Variants in RB1 observed in about 807,000 individuals in gnomAD.
RB1 encodes RB transcriptional corepressor 1.
A neutral mutation model predicts 135.4 loss-of-function variants in RB1; 18 were observed. The observed-to-expected ratio is 0.13, with a 90% CI of 0.09 to 0.20. The LOEUF is 0.20. Ranked by LOEUF, RB1 falls within the 10% of genes least tolerant of loss-of-function variation. RB1 has a pLI of 1.00. For synonymous variants in RB1, 365 were observed against 373.2 expected, an observed-to-expected ratio of 0.98 and a Z score of 0.25; for missense variants, 868 against 1,110.0, an observed-to-expected ratio of 0.78 and a Z score of 3.10.
intron 17 of RB1, chr13:48,412,521 G>T: frequency 1.2e-6 from 1 of 811,320 alleles, no homozygotes; most frequent in Non-Finnish European, 2.2e-6. Context: ...CAATTTATTT[G>T]CAAATTATCT....
rs561413332 is a variant in RB1 at position 48,396,547 on chromosome 13, G to C, written c.1695+15104G>C. On this transcript the variant is annotated intron_variant, in intron 17 of 26. Transcript: ENST00000267163. Reference sequence around the variant, plus strand: ...AACACCTAAAACCATAAAAACCCTAGAAGAAAACCTAGGCAATACCATTCA... The same window carrying C: ...AACACCTAAAACCATAAAAACCCTACAAGAAAACCTAGGCAATACCATTCA... 1.8e-3 allele frequency among the ~76,000 whole-genome samples: 276 copies of C among 152,218 alleles called. 2 individuals are homozygous for C. Among genetic ancestry groups the C allele is most frequent in the African/African-American group, 6.4e-3 (267 of 41,512 alleles).
At chr13:48,340,351 C>T (rs149199870) in intron 2 of RB1, among the ~76,000 whole-genome samples, 1 of 152,244 alleles carries the variant, frequency 6.6e-6, no homozygotes, top group Non-Finnish European at 1.5e-5. Context: ...AAAACACAAG[C>T]TGCATCTGAA....
At chr13:48,476,642 T>A (rs570824829) in intron 24 of RB1, 59 bp from the exon 25 acceptor site, 4 of 1,558,656 alleles carry the variant, frequency 2.6e-6, no homozygotes, top group Admixed American at 3.4e-5. Flanking sequence ...AACTTGAGGT[T>A]GCTAACTATG....
At chr13:48,464,402 AT>A (rs1464382606) in intron 21 of RB1, among the ~76,000 whole-genome samples, 1 of 152,108 alleles carries the variant, frequency 6.6e-6, no homozygotes, top group African/African-American at 2.4e-5. Flanking sequence ...GTTTGAAGTT[AT>A]TTTCTAAATT....
chr13:48,380,281 T>A, intron 16 of RB1, 40 bp downstream of exon 16: 1 of 1,436,796 alleles, frequency 7.0e-7, no homozygotes, highest in Non-Finnish European at 9.7e-7. Context: ...TTGTTCAATT[T>A]AAAGTTAAAA....
Position 48,367,570 on chromosome 13 carries a change from A to T in RB1, c.1016A>T (p.His339Leu). 1 of 1,604,868 alleles carries T rather than the reference A, an allele frequency of 6.2e-7. No individual in the cohort carries two copies. The highest frequency in any genetic ancestry group is 8.5e-7 in the Non-Finnish European group (1 of 1,174,230). The change falls in exon 10 of 27, where the codon CAT becomes CTT. Residue 339 changes from histidine to leucine, a missense_variant. His to Leu is a moderately conservative substitution (Grantham distance 99). This residue lies in a region of RB1 where 641 missense variants were observed against 791.3 expected (regional missense o/e 0.81). Coordinates refer to ENST00000267163, the MANE Select transcript of RB1 (RefSeq NM_000321.3). ...KDLDARLFLD[H>L]DKTLQTDSID... ...CTAGATGCAAGATTATTTTTGGATC[A>T]TGATAAAACTCTTCAGACTGATTCT...
intron 8 of RB1, among the ~76,000 whole-genome samples, chr13:48,364,447 T>A (rs904857974): frequency 6.6e-6 from 1 of 152,238 alleles, no homozygotes; most frequent in Non-Finnish European, 1.5e-5. Flanking sequence ...TTCCTAATAT[T>A]TTCTTTTCTC....
intron 2 of RB1, among the ~76,000 whole-genome samples, chr13:48,339,131 TGAG>T (rs1314099544): frequency 2.6e-5 from 4 of 152,174 alleles, no homozygotes; most frequent in Admixed American, 6.6e-5. Flanking sequence ...GGGACCCACT[TGAG>T]GAGGCAGTCT....
chr13:48,377,940 A>G (rs1952844332), intron 13 of RB1, among the ~76,000 whole-genome samples: 1 of 152,214 alleles, frequency 6.6e-6, no homozygotes, highest in Non-Finnish European at 1.5e-5. Context: ...GTATCTAAAT[A>G]TATCCAAACA....
At chr13:48,363,480 C>G (rs1030176816) in intron 8 of RB1, among the ~76,000 whole-genome samples, 1 of 152,252 alleles carries the variant, frequency 6.6e-6, no homozygotes, top group Middle Eastern at 3.4e-3. Context: ...TTGCTTGAGC[C>G]CAGAAGTTTG....
At chr13:48,393,989 C>A (rs1283248616) in intron 17 of RB1, among the ~76,000 whole-genome samples, 1 of 152,102 alleles carries the variant, frequency 6.6e-6, no homozygotes, top group Admixed American at 6.5e-5. Context: ...CAGCTCTGGT[C>A]TGCAGCTGCC....
intron 1 of RB1, among the ~76,000 whole-genome samples, chr13:48,307,028 A>G (rs1374953624): frequency 1.3e-5 from 2 of 152,220 alleles, no homozygotes; most frequent in African/African-American, 4.8e-5. Context: ...GCTGCTTTGA[A>G]GTATATTTGA....
At chr13:48,452,369 T>C (rs1265386018) in intron 17 of RB1, among the ~76,000 whole-genome samples, 2 of 152,176 alleles carry the variant, frequency 1.3e-5, no homozygotes, top group Admixed American at 6.5e-5. Flanking sequence ...ATTCAAATTA[T>C]TTAATAGTTG....
rs1436921535 is a variant in RB1, at chr13:48,381,290, C to G, written c.1542C>G (p.Phe514Leu). The change falls in exon 17 of 27, where the codon TTC becomes TTG. Residue 514 changes from phenylalanine (F) to leucine (L), a missense_variant. By Grantham distance (22) the Phe-to-Leu change is conservative. This residue lies in a region of RB1 where 641 missense variants were observed against 791.3 expected (regional missense o/e 0.81). Coordinates refer to ENST00000267163, the MANE Select transcript of RB1 (RefSeq NM_000321.3). ...TTGATTCTGGAACAGATTTGTCTTTCCCATGGATTCTGAATGTGCTTAATT... is the reference window on the plus strand; with the variant it reads ...TTGATTCTGGAACAGATTTGTCTTTGCCATGGATTCTGAATGTGCTTAATT... ...QNLDSGTDLS[F>L]PWILNVLNLK... is the part of the protein sequence containing the mutation. 6.2e-7 allele frequency: 1 copy of G among 1,611,456 alleles called. No homozygotes were observed. The highest frequency in any genetic ancestry group is 8.5e-7 in the Non-Finnish European group (1 of 1,179,072).
chr13:48,380,531 T>C (rs1033084618), intron 16 of RB1, among the ~76,000 whole-genome samples: 1 of 152,170 alleles, frequency 6.6e-6, no homozygotes, highest in Non-Finnish European at 1.5e-5. Context: ...ACCTTTGAGA[T>C]TGTAGAGTGC....
intron 17 of RB1, among the ~76,000 whole-genome samples, chr13:48,451,083 A>G (rs1004570489): frequency 6.6e-6 from 1 of 151,246 alleles, no homozygotes; most frequent in Non-Finnish European, 1.5e-5. Context: ...TTGGGTTAAG[A>G]TGATAATTTG....
chr13:48,376,973 A>G lies in RB1; in HGVS notation c.1271A>G (p.Tyr424Cys), dbSNP rs772584049. 6.2e-7 allele frequency: 1 copy of G among 1,613,836 alleles called. No homozygotes were observed. Among genetic ancestry groups the G allele is most frequent in the South Asian group, 1.1e-5 (1 of 91,080 alleles). The change falls in exon 13 of 27, where the codon TAC (tyrosine) becomes TGC (cysteine). Residue 424 changes from tyrosine to cysteine, a missense_variant. Tyr to Cys is a radical substitution (Grantham distance 194). Around this residue, in one of 3 missense-constraint regions of RB1, gnomAD observed 641 missense variants for 791.3 expected, o/e 0.81. Coordinates refer to ENST00000267163, the MANE Select transcript of RB1 (RefSeq NM_000321.3). Reference protein sequence around the residue: ...SILKRVKDIGYIFKEKFAKAV... With the variant: ...SILKRVKDIGCIFKEKFAKAV... ...CTGAAAAGAGTGAAGGATATAGGAT[A>G]CATCTTTAAAGAGAAATTTGCTAAA... is the stretch of plus-strand genomic sequence containing the variant.
intron 2 of RB1, chr13:48,320,223 G>A (rs1952222339): frequency 3.8e-6 from 4 of 1,052,268 alleles, no homozygotes; most frequent in South Asian, 2.9e-5. Flanking sequence ...CCTTGTGCAC[G>A]GTGGGCTTGG....
chr13:48,464,492 T>C (rs1180667971), intron 21 of RB1, among the ~76,000 whole-genome samples: 2 of 152,258 alleles, frequency 1.3e-5, no homozygotes, highest in Admixed American at 1.3e-4. Context: ...GAAATCTAAC[T>C]ATCACTAAAA....
Sources: allele counts gnomAD v4.1 joint callset (sites outside exome capture counted in the v4.1 genomes callset), GRCh38; gene constraint gnomAD v4.1.1; regional missense constraint gnomAD v4.1.1; transcripts MANE v1.5; gene names NCBI Gene and HGNC (gene_info 2026-07-23, HGNC 2026-07-21).